The following DGKI variants were observed in gnomAD, a reference collection of about 807,000 sequenced individuals.
DGKI encodes the protein diacylglycerol kinase iota, also known as DAG kinase iota.
Under a neutral mutation model 147.5 loss-of-function variants are expected in DGKI, and 55 were observed. The ratio of observed to expected loss-of-function variants is 0.37; its 90% CI spans 0.30 to 0.47. The LOEUF is 0.47. Ranked by LOEUF, DGKI falls within the 20% of genes least tolerant of loss-of-function variation. DGKI has a pLI of 1.00. For missense variants in DGKI, 1,007 were observed against 1,323.8 expected (o/e 0.76, Z 3.71); for synonymous variants, 469 against 477.1 (o/e 0.98, Z 0.22).
intron 23 of DGKI, among the ~76,000 whole-genome samples, chr7:137,475,437 G>A (rs560771000): frequency 3.3e-5 from 5 of 152,194 alleles, no homozygotes; most frequent in South Asian, 4.1e-4. Context: ...CATACATTTC[G>A]GAACATTTTA....
intron 4 of DGKI, 78 bp from the exon 5 acceptor site, chr7:137,654,866 C>CA (rs1822163372): frequency 1.2e-6 from 1 of 805,196 alleles, no homozygotes; most frequent in Non-Finnish European, 2.0e-6. Flanking sequence ...AAAAAAAAAA[C>CA]AGTGACAGAT....
chr7:137,735,404 C>T (rs564733427), intron 1 of DGKI, among the ~76,000 whole-genome samples: 2 of 152,070 alleles, frequency 1.3e-5, no homozygotes, highest in Non-Finnish European at 2.9e-5. Flanking sequence ...TTACTTATCC[C>T]CCAAGAGTCA....
intron 1 of DGKI, among the ~76,000 whole-genome samples, chr7:137,701,487 A>G (rs1177033778): frequency 6.6e-6 from 1 of 152,210 alleles, no homozygotes; most frequent in African/African-American, 2.4e-5. Context: ...CTACAGAATG[A>G]GTAAGTTTGG....
intron 29 of DGKI, among the ~76,000 whole-genome samples, chr7:137,410,684 A>G (rs1812129472): frequency 1.3e-5 from 2 of 152,238 alleles, no homozygotes; most frequent in South Asian, 4.1e-4. Flanking sequence ...AAGCATATAG[A>G]AAATAAAATG....
chr7:137,739,515 C>T (rs9656491), intron 1 of DGKI, among the ~76,000 whole-genome samples: 2,988 of 152,250 alleles, frequency 0.02, 98 homozygotes, highest in African/African-American at 0.067. Flanking sequence ...ATCCTAGCGG[C>T]TTCCTATGGG....
Position 137,525,059 on chromosome 7 carries a change from C to T in DGKI, c.2148-3093G>A, listed in dbSNP as rs1367329942. On this transcript the variant is annotated intron_variant, in intron 20 of 32. Coordinates refer to ENST00000614521, the MANE Select transcript of DGKI (RefSeq NM_001321708.2). ...CTGTTGTCTCCTGAACCTCTGGCCACCCACTACTCCACCCTAACTTCCAGG... is the reference window on the plus strand; with the variant it reads ...CTGTTGTCTCCTGAACCTCTGGCCATCCACTACTCCACCCTAACTTCCAGG... Among the ~76,000 whole-genome samples, 3 of 152,056 alleles carry T rather than the reference C, an allele frequency of 2.0e-5. No individual in the cohort carries two copies. The East Asian group carries it at 5.8e-4, about 29-fold the overall frequency.
intron 27 of DGKI, among the ~76,000 whole-genome samples, chr7:137,456,596 G>A (rs914594308): frequency 6.6e-6 from 1 of 152,094 alleles, no homozygotes; most frequent in Non-Finnish European, 1.5e-5. Flanking sequence ...AATCAATACT[G>A]CCTCACATTC....
At chr7:137,838,368 G>A (rs1007645584) in intron 1 of DGKI, among the ~76,000 whole-genome samples, 2 of 152,184 alleles carry the variant, frequency 1.3e-5, no homozygotes, top group African/African-American at 4.8e-5. Context: ...ACAATGATGA[G>A]ATCTGAGGCC....
At chr7:137,427,380 C>T (rs1812862018) in intron 28 of DGKI, among the ~76,000 whole-genome samples, 1 of 152,160 alleles carries the variant, frequency 6.6e-6, no homozygotes, top group Non-Finnish European at 1.5e-5. Context: ...ATACCAGAAT[C>T]TCTGGGACAC....
chr7:137,419,090 C>T (rs1303506417), intron 28 of DGKI, among the ~76,000 whole-genome samples: 1 of 152,196 alleles, frequency 6.6e-6, no homozygotes, highest in Non-Finnish European at 1.5e-5. Context: ...ACTTGCCTCC[C>T]CCCTTCCCCA....
intron 1 of DGKI, among the ~76,000 whole-genome samples, chr7:137,838,290 T>G (rs1798446567): frequency 6.6e-6 from 1 of 152,116 alleles, no homozygotes; most frequent in Non-Finnish European, 1.5e-5. Flanking sequence ...GGCTCTTCCT[T>G]CAAAACTCTT....
chr7:137,550,465 C>T (rs752646954), intron 20 of DGKI, among the ~76,000 whole-genome samples: 3 of 152,172 alleles, frequency 2.0e-5, no homozygotes, highest in Admixed American at 2.0e-4. Context: ...TGTGAGCCAC[C>T]GTACCCAGCC....
intron 29 of DGKI, among the ~76,000 whole-genome samples, chr7:137,408,992 T>C (rs1812064376): frequency 6.6e-6 from 1 of 152,150 alleles, no homozygotes; most frequent in Admixed American, 6.5e-5. Flanking sequence ...TCCCATAAGG[T>C]GAAAGAGCAT....
chr7:137,499,658 A>G (rs1018208128), intron 21 of DGKI, among the ~76,000 whole-genome samples: 2 of 151,872 alleles, frequency 1.3e-5, no homozygotes, highest in Non-Finnish European at 2.9e-5. Flanking sequence ...CCACTCCTGC[A>G]CTCCAGTTAT....
chr7:137,813,670 A>G (rs764011228), intron 1 of DGKI, among the ~76,000 whole-genome samples: 7 of 152,234 alleles, frequency 4.6e-5, no homozygotes, highest in Non-Finnish European at 1.0e-4. Flanking sequence ...CCACTTTGCA[A>G]AGATGACTGG....
chr7:137,400,300 C>A (rs1811704713), intron 30 of DGKI, among the ~76,000 whole-genome samples: 1 of 152,132 alleles, frequency 6.6e-6, no homozygotes, highest in Non-Finnish European at 1.5e-5. Context: ...ATTCCATGAA[C>A]ATGAGCAGCC....
intron 1 of DGKI, among the ~76,000 whole-genome samples, chr7:137,803,096 G>A (rs909061539): frequency 6.6e-6 from 1 of 152,196 alleles, no homozygotes; most frequent in African/African-American, 2.4e-5. Context: ...ATTAAGGAAA[G>A]ATCCATAAAT....
chr7:137,657,602 G>A (rs1344005602), intron 3 of DGKI, among the ~76,000 whole-genome samples: 1 of 152,142 alleles, frequency 6.6e-6, no homozygotes, highest in Non-Finnish European at 1.5e-5. Flanking sequence ...GTTTGAGCCT[G>A]AAAGAAATGT....
At chr7:137,733,477 T>G (rs1259703810) in intron 1 of DGKI, among the ~76,000 whole-genome samples, 2 of 152,122 alleles carry the variant, frequency 1.3e-5, no homozygotes, top group African/African-American at 4.8e-5. Flanking sequence ...CACATCTGGT[T>G]TATCTATCCA....
Sources: gnomAD v4.1 joint callset for allele counts (sites outside exome capture counted in the v4.1 genomes callset) on GRCh38, gnomAD v4.1.1 for gene constraint, MANE v1.5 for transcripts, NCBI Gene and HGNC (gene_info 2026-07-23, HGNC 2026-07-21) for gene names.